The following FLNB variants were observed in gnomAD, a reference collection of about 807,000 sequenced individuals.
FLNB encodes filamin B.
FLNB carries 111 observed loss-of-function variants against 250.6 expected under a neutral mutation model. That is an observed-to-expected ratio of 0.44 (90% confidence interval 0.38 to 0.52). The LOEUF (loss-of-function observed/expected upper bound fraction) is 0.52. FLNB is among the 20% of genes least tolerant of loss of function. The pLI, the probability that FLNB is intolerant of heterozygous loss-of-function variation, is 0.00. For synonymous variants in FLNB, 1,302 were observed against 1,372.1 expected (o/e 0.95, Z 1.13); for missense variants, 2,869 against 3,447.8 (o/e 0.83, Z 4.20).
At chr3:58,064,994 C>T (rs746422655) in intron 1 of FLNB, among the ~76,000 whole-genome samples, 4 of 152,088 alleles carry the variant, frequency 2.6e-5, no homozygotes, top group Admixed American at 6.6e-5. Flanking sequence ...GAGCTGTGAT[C>T]GTGCCACTGC....
intron 1 of FLNB, among the ~76,000 whole-genome samples, chr3:58,011,613 A>G (rs564536796): frequency 1.3e-5 from 2 of 152,318 alleles, no homozygotes; most frequent in East Asian, 1.9e-4. Context: ...TTCATCCTTC[A>G]AGGCAAAGTT....
intron 1 of FLNB, among the ~76,000 whole-genome samples, chr3:58,060,388 C>CTGT (rs2097176398): frequency 2.1e-5 from 3 of 142,676 alleles, no homozygotes; most frequent in Non-Finnish European, 4.5e-5. Context: ...GAGTCTCGCT[C>CTGT]TGTTGCCCAG....
chr3:58,146,523 T>C (rs925385651), intron 33 of FLNB, among the ~76,000 whole-genome samples: 8 of 152,190 alleles, frequency 5.3e-5, no homozygotes, highest in African/African-American at 1.9e-4. Context: ...CCGTCTCCTA[T>C]GTGTAATTGA....
intron 1 of FLNB, among the ~76,000 whole-genome samples, chr3:58,040,462 G>C (rs993561633): frequency 2.0e-5 from 3 of 152,190 alleles, no homozygotes; most frequent in Non-Finnish European, 2.9e-5. Context: ...GTACCTGACA[G>C]GGTGTAAAGG....
Position 58,169,396 on chromosome 3 carries a change from A to G in FLNB, c.7418-194A>G, listed in dbSNP as rs1390810218. 3.2e-6 allele frequency: 2 copies of G among 618,760 alleles called. No homozygotes were observed. Among genetic ancestry groups the G allele is most frequent in the Non-Finnish European group, 5.9e-6 (2 of 339,792 alleles). The allele number at this position is 618,760 out of a possible 1,614,324, so 38.3% of individuals were successfully genotyped here. A position where few individuals can be genotyped will look rare whatever the true frequency, so the allele number is the denominator to read the frequency against. On this transcript the variant is annotated intron_variant, in intron 44 of 45. Coordinates refer to ENST00000295956, the MANE Select transcript of FLNB (RefSeq NM_001457.4). This position sits in a 1 kb window ranked among gnomAD's most constrained non-coding sequence, Gnocchi z 4.8. ...CTCATCCATTTGCCCAGAAAGCCAG[A>G]TCCTAGTTGTATGGGGGTGGGATCC...
At chr3:58,024,701 C>CTTTTTTTTTTTT (rs1174805764) in intron 1 of FLNB, among the ~76,000 whole-genome samples, 1,080 of 83,670 alleles carry the variant, frequency 0.013, 169 homozygotes, top group East Asian at 0.044. Flanking sequence ...GCCAAGCCTC[C>CTTTTTTTTTTTT]TTTTTTTTTT....
chr3:58,010,296 T>C (rs1376897460), intron 1 of FLNB, among the ~76,000 whole-genome samples: 11 of 152,146 alleles, frequency 7.2e-5, no homozygotes, highest in Admixed American at 5.9e-4. Context: ...CTGCCAGGAC[T>C]TTCTCCAGTG....
rs767022262 is a variant in FLNB, at chr3:58,121,388, C to A, written c.3011C>A (p.Ala1004Asp). The change falls in exon 20 of 46, where the codon GCC becomes GAC. Residue 1004 changes from alanine (A) to aspartate (D), a missense_variant. Coordinates refer to ENST00000295956, the MANE Select transcript of FLNB (RefSeq NM_001457.4). Reference protein sequence around the residue: ...TPVTGRENSTAKFIPREEGLY... With the variant: ...TPVTGRENSTDKFIPREEGLY... ...GTGACAGGCCGGGAGAACAGCACGGCCAAGTTCATCCCTCGGGAGGAGGGG... is the reference window on the plus strand; with the variant it reads ...GTGACAGGCCGGGAGAACAGCACGGACAAGTTCATCCCTCGGGAGGAGGGG... The A allele has an allele frequency of 6.2e-7, 1 of 1,614,094 alleles. No individual in the cohort carries two copies. Among genetic ancestry groups the A allele is most frequent in the Non-Finnish European group, 8.5e-7 (1 of 1,180,032 alleles).
At chr3:58,049,034 GTATTGC>G (rs1178134338) in intron 1 of FLNB, among the ~76,000 whole-genome samples, 1 of 152,210 alleles carries the variant, frequency 6.6e-6, no homozygotes, top group Non-Finnish European at 1.5e-5. Context: ...GTTTCACTGT[GTATTGC>G]CAGAGAAAAT....
At chr3:58,112,377 C>A in intron 18 of FLNB, 59 bp downstream of exon 18, 2 of 1,539,774 alleles carry the variant, frequency 1.3e-6, no homozygotes, top group Non-Finnish European at 1.8e-6. Context: ...TCTATGCAGT[C>A]GGTGCTGGGT....
At chr3:58,036,862 G>A (rs1434435724) in intron 1 of FLNB, among the ~76,000 whole-genome samples, 2 of 152,172 alleles carry the variant, frequency 1.3e-5, no homozygotes, top group African/African-American at 4.8e-5. Flanking sequence ...GATGGAGTCG[G>A]TTAGGTCTGA....
rs774677814 is a variant in FLNB at position 58,148,834 on chromosome 3, G to A, written c.6073G>A (p.Val2025Met). The A allele has an allele frequency of 1.2e-5, 19 of 1,613,044 alleles. No homozygotes were observed. Among genetic ancestry groups the A allele is most frequent in the Non-Finnish European group, 1.4e-5 (17 of 1,180,008 alleles). ...GRTFEMSDFI[V>M]DTRDAGYGGI... ...GACTTTCGAGATGTCTGACTTCATCGTGGACACAAGGGATGCAGGTCTGTG... is the reference window on the plus strand; with the variant it reads ...GACTTTCGAGATGTCTGACTTCATCATGGACACAAGGGATGCAGGTCTGTG... The change falls in exon 36 of 46, where the codon GTG becomes ATG. Residue 2025 changes from valine (V) to methionine (M), a missense_variant. Val to Met is a conservative substitution (Grantham distance 21, BLOSUM62 1). Around this residue, in one of 5 missense-constraint regions of FLNB, gnomAD observed 1,084 missense variants for 1,315.5 expected, o/e 0.82. Transcript: ENST00000295956.
intron 7 of FLNB, among the ~76,000 whole-genome samples, chr3:58,098,422 C>A (rs1469579963): frequency 3.3e-5 from 5 of 152,216 alleles, no homozygotes; most frequent in African/African-American, 1.2e-4. Flanking sequence ...CCTCCGCCTC[C>A]TGGGTTCAAG....
chr3:58,103,959 A>G lies in FLNB; in HGVS notation c.1484A>G (p.Lys495Arg). The G allele has an allele frequency of 6.2e-7, 1 of 1,614,014 alleles. No homozygotes were observed. Among genetic ancestry groups the G allele is most frequent in the Non-Finnish European group, 8.5e-7 (1 of 1,179,982 alleles). The change falls in exon 10 of 46, where the codon AAG becomes AGG. Residue 495 changes from lysine (K) to arginine (R), a missense_variant and splice_region_variant. Coordinates refer to ENST00000295956, the MANE Select transcript of FLNB (RefSeq NM_001457.4). ...GELGVTMKGPKGLEELVKQKD... is the reference protein window; with the variant it reads ...GELGVTMKGPRGLEELVKQKD... ...AAGATTATCTCCTTCCTTCCCACAG[A>G]GGGTCTGGAGGAGCTGGTGAAGCAG...
At position 58,021,860 on chromosome 3, in the gene FLNB, G is replaced by A. The variant is rs577174027; in HGVS notation, c.292+13004G>A. Among the ~76,000 whole-genome samples the A allele has an allele frequency of 2.5e-4, 38 of 152,008 alleles. No individual in the cohort carries two copies. The South Asian group carries it at 6.0e-3, about 24-fold the overall frequency. ...TGCCATCACAGCTCGCTGCAGCCTC[G>A]ACCTCCTTGGCTCAAGCGATCCTCC... On this transcript the variant is annotated intron_variant, in intron 1 of 45. Coordinates refer to ENST00000295956, the MANE Select transcript of FLNB (RefSeq NM_001457.4).
In FLNB at chr3:58,077,283, G is replaced by A. The variant is rs1340509636; in HGVS notation, c.530G>A (p.Ser177Asn). 6.2e-7 allele frequency: 1 copy of A among 1,614,092 alleles called. No individual in the cohort carries two copies. Among genetic ancestry groups the A allele is most frequent in the Non-Finnish European group, 8.5e-7 (1 of 1,179,980 alleles). ...AAAGCCCTGGGAGCCCTGGTAGACAGCTGTGCTCCAGGTAAGTGGCCAGGG... is the reference window on the plus strand; with the variant it reads ...AAAGCCCTGGGAGCCCTGGTAGACAACTGTGCTCCAGGTAAGTGGCCAGGG... ...DGKALGALVDSCAPGLCPDWE... is the reference protein window; with the variant it reads ...DGKALGALVDNCAPGLCPDWE... Residue 177 changes from serine (S) to asparagine (N), a missense_variant, in exon 2 of 46, where the codon AGC (serine) becomes AAC (asparagine). This residue lies in a region of FLNB where 308 missense variants were observed against 466.1 expected (regional missense o/e 0.66). Transcript: ENST00000295956.
intron 1 of FLNB, among the ~76,000 whole-genome samples, chr3:58,033,296 C>T (rs2106767838): frequency 6.6e-6 from 1 of 152,248 alleles, no homozygotes; most frequent in South Asian, 2.1e-4. Flanking sequence ...CCATGTCTTC[C>T]ACACCCATGC....
In FLNB at chr3:58,093,433, C is replaced by T. The variant is rs1364891617; in HGVS notation, c.788-1403C>T. ...TTCCCTGTAGGATGGGGAGTGGGGC[C>T]GAAAGTTCTAAGCTTCTGATCATGA... is the stretch of plus-strand genomic sequence containing the variant. On this transcript the variant is annotated intron_variant, in intron 4 of 45. Transcript: ENST00000295956. 3.9e-5 allele frequency among the ~76,000 whole-genome samples: 6 copies of T among 152,028 alleles called. No homozygotes were observed. In the South Asian group the frequency reaches 6.2e-4, roughly 16 times the overall value.
chr3:58,092,036 G>A (rs898196634), intron 4 of FLNB, among the ~76,000 whole-genome samples: 31 of 152,234 alleles, frequency 2.0e-4, no homozygotes, highest in African/African-American at 5.1e-4. Context: ...AGTCTTAGTC[G>A]TTAAAAAACA....
Sources: allele counts gnomAD v4.1 joint callset (sites outside exome capture counted in the v4.1 genomes callset), GRCh38; gene constraint gnomAD v4.1.1; regional missense constraint gnomAD v4.1.1; non-coding constraint Gnocchi (gnomAD v3.1); transcripts MANE v1.5; gene names NCBI Gene and HGNC (gene_info 2026-07-23, HGNC 2026-07-21).